The following IMPG1 variants were observed in gnomAD, a reference collection of about 807,000 sequenced individuals.
IMPG1 encodes interphotoreceptor matrix proteoglycan of 150 kDa.
Under a neutral mutation model 92.0 loss-of-function variants are expected in IMPG1, and 85 were observed. That is an observed-to-expected ratio of 0.92 (90% CI 0.78 to 1.11). The LOEUF (loss-of-function observed/expected upper bound fraction) is 1.11, where lower values mean the gene tolerates loss of function less well. IMPG1 is among the 50% of genes least tolerant of loss of function. IMPG1 has a pLI of 0.00. For missense variants in IMPG1, 1,022 were observed against 956.0 expected, an observed-to-expected ratio of 1.07 and a Z score of -0.91; for synonymous variants, 367 against 334.1, an observed-to-expected ratio of 1.10 and a Z score of -1.08.
chr6:75,982,064 T>G (rs1183436427), intron 12 of IMPG1, among the ~76,000 whole-genome samples: 2 of 152,170 alleles, frequency 1.3e-5, no homozygotes, highest in African/African-American at 2.4e-5. Context: ...ATTTTCAGGA[T>G]TAAGGAAAAC....
intron 12 of IMPG1, among the ~76,000 whole-genome samples, chr6:75,972,229 A>G (rs940873594): frequency 6.6e-6 from 1 of 152,164 alleles, no homozygotes; most frequent in African/African-American, 2.4e-5. Context: ...TCCACCCATT[A>G]CTGTAGGAAC....
intron 12 of IMPG1, among the ~76,000 whole-genome samples, chr6:75,993,254 C>A (rs1782843393): frequency 6.6e-6 from 1 of 152,116 alleles, no homozygotes; most frequent in East Asian, 1.9e-4. Context: ...TGTAACGGGG[C>A]ATTGGTATTT....
chr6:75,924,222 C>T (rs1015400668), intron 15 of IMPG1, among the ~76,000 whole-genome samples: 3 of 150,258 alleles, frequency 2.0e-5, no homozygotes, highest in Admixed American at 1.3e-4. Context: ...ACCATATGAT[C>T]GAGCAATCCC....
At chr6:76,017,882 A>G (rs1342583636) in intron 7 of IMPG1, among the ~76,000 whole-genome samples, 1 of 151,994 alleles carries the variant, frequency 6.6e-6, no homozygotes, top group African/African-American at 2.4e-5. Flanking sequence ...CCTCCCGAGT[A>G]GCTGGGATTA....
chr6:75,978,297 C>T (rs536424810), intron 12 of IMPG1, among the ~76,000 whole-genome samples: 1 of 152,302 alleles, frequency 6.6e-6, no homozygotes, highest in Non-Finnish European at 1.5e-5. Flanking sequence ...ACCTTTGCTG[C>T]ACTAGAGCAT....
chr6:76,030,082 C>T (rs1457082513), intron 4 of IMPG1, among the ~76,000 whole-genome samples: 1 of 152,202 alleles, frequency 6.6e-6, no homozygotes, highest in African/African-American at 2.4e-5. Flanking sequence ...AAGCCAACCC[C>T]AAGCTTCCTG....
In IMPG1 at chr6:76,025,111, A is replaced by G. The variant is rs73466888; in HGVS notation, c.562+83T>C. The G allele has an allele frequency of 6.3e-3, 5,117 of 806,726 alleles. 181 individuals are homozygous for G. In the African/African-American group the frequency reaches 0.075, roughly 12 times the overall value. The allele number at this position is 806,726 out of a possible 1,614,324, so 50.0% of individuals were successfully genotyped here. A position where few individuals can be genotyped will look rare whatever the true frequency, so the allele number is the denominator to read the frequency against. On this transcript the variant is annotated intron_variant, in intron 5 of 16. Transcript: ENST00000369950. The stretch of plus-strand genomic sequence containing the variant: ...AAGTACATTATAAACATTATCTTTA[A>G]TTAGGAATTGTTTTATAAATAACAT...
At chr6:76,055,075 T>A (rs184564048) in intron 1 of IMPG1, among the ~76,000 whole-genome samples, 10 of 152,154 alleles carry the variant, frequency 6.6e-5, no homozygotes, top group African/African-American at 2.4e-4. Flanking sequence ...CCTGACCTAA[T>A]GGACATGTAT....
At chr6:75,981,707 T>C (rs1407795076) in intron 12 of IMPG1, among the ~76,000 whole-genome samples, 1 of 152,256 alleles carries the variant, frequency 6.6e-6, no homozygotes, top group Non-Finnish European at 1.5e-5. Flanking sequence ...GTAAGTTGGT[T>C]CTGTAAATAC....
chr6:75,927,276 G>C (rs773875363), intron 15 of IMPG1, among the ~76,000 whole-genome samples: 2 of 152,174 alleles, frequency 1.3e-5, no homozygotes, highest in African/African-American at 2.4e-5. Context: ...TGAAGCTTAA[G>C]GGCAGGGGGT....
chr6:75,929,577 A>G (rs1217776682), intron 15 of IMPG1, among the ~76,000 whole-genome samples: 1 of 150,122 alleles, frequency 6.7e-6, no homozygotes, highest in Non-Finnish European at 1.5e-5. Flanking sequence ...GAGGGATAGC[A>G]TTAGGAGATA....
chr6:76,048,955 C>A (rs562448599), intron 1 of IMPG1, among the ~76,000 whole-genome samples: 24 of 152,222 alleles, frequency 1.6e-4, no homozygotes, highest in African/African-American at 5.3e-4. Flanking sequence ...ACCTAAATGC[C>A]CATCAGTGAT....
At position 75,943,746 on chromosome 6, in the gene IMPG1, T is replaced by C. The variant is rs550643052; in HGVS notation, c.2044+3568A>G. Among the ~76,000 whole-genome samples the C allele has an allele frequency of 2.6e-5, 4 of 152,184 alleles. No individual in the cohort carries two copies. In the South Asian group the frequency reaches 8.3e-4, roughly 32 times the overall value. ...ATTGACCAGCCTGGAGGGACTAGAGTTCTTTTCATTTATTTCTACTCCTAC... is the reference window on the plus strand; with the variant it reads ...ATTGACCAGCCTGGAGGGACTAGAGCTCTTTTCATTTATTTCTACTCCTAC... On this transcript the variant is annotated intron_variant, in intron 14 of 16. Transcript: ENST00000369950.
At chr6:75,973,464 A>G (rs189902493) in intron 12 of IMPG1, among the ~76,000 whole-genome samples, 1 of 152,334 alleles carries the variant, frequency 6.6e-6, no homozygotes, top group Non-Finnish European at 1.5e-5. Context: ...GAATTTTACT[A>G]GATGATAAAA....
chr6:75,986,802 A>T (rs1330468585), intron 12 of IMPG1, among the ~76,000 whole-genome samples: 2 of 152,178 alleles, frequency 1.3e-5, no homozygotes, highest in Non-Finnish European at 2.9e-5. Flanking sequence ...ATTAGTTTGT[A>T]TGTGAAGGCT....
intron 14 of IMPG1, among the ~76,000 whole-genome samples, chr6:75,942,862 TTGTA>T (rs1781857970): frequency 6.6e-6 from 1 of 152,230 alleles, no homozygotes; most frequent in African/African-American, 2.4e-5. Flanking sequence ...TATAATAATT[TTGTA>T]TGTATTTCCT....
intron 7 of IMPG1, among the ~76,000 whole-genome samples, chr6:76,015,566 C>T (rs953691750): frequency 4.0e-5 from 6 of 151,606 alleles, no homozygotes; most frequent in East Asian, 1.9e-4. Context: ...TTTGGGAGTC[C>T]GAGGAGGGTG....
At chr6:76,068,717 A>G (rs2787856) in intron 1 of IMPG1, among the ~76,000 whole-genome samples, 148,755 of 151,832 alleles carry the variant, frequency 0.98, 72,919 homozygotes, top group East Asian at 1. Context: ...GGGTTTCACC[A>G]TGTTGGCCAG....
At chr6:76,056,498 G>C (rs1784122260) in intron 1 of IMPG1, among the ~76,000 whole-genome samples, 1 of 151,724 alleles carries the variant, frequency 6.6e-6, no homozygotes, top group Non-Finnish European at 1.5e-5. Flanking sequence ...AATCAGCATG[G>C]AAGCACAGAT....
Sources: allele counts gnomAD v4.1 joint callset (sites outside exome capture counted in the v4.1 genomes callset), GRCh38; gene constraint gnomAD v4.1.1; transcripts MANE v1.5; gene names NCBI Gene and HGNC (gene_info 2026-07-23, HGNC 2026-07-21).